The following KATNIP variants were observed in gnomAD, a reference collection of about 807,000 sequenced individuals.
KATNIP encodes the protein katanin interacting protein.
KATNIP carries 126 observed loss-of-function variants against 174.0 expected under a neutral mutation model. The ratio of observed to expected loss-of-function variants is 0.72; its 90% CI spans 0.63 to 0.84. The LOEUF is 0.84. Ranked by LOEUF, KATNIP falls within the 40% of genes least tolerant of loss-of-function variation. KATNIP has a pLI of 0.00. For missense variants in KATNIP, 1,958 were observed against 2,109.7 expected, an observed-to-expected ratio of 0.93 and a Z score of 1.41; for synonymous variants, 810 against 835.7, an observed-to-expected ratio of 0.97 and a Z score of 0.53.
intron 1 of KATNIP, 106 bp downstream of exon 1, chr16:27,550,283 C>T (rs2141483940): frequency 7.6e-7 from 1 of 1,321,752 alleles, no homozygotes; most frequent in Non-Finnish European, 1.0e-6. Flanking sequence ...ACCACCACTT[C>T]CTGACCCAAG....
chr16:27,695,821 G>A (rs1400830995), intron 8 of KATNIP, among the ~76,000 whole-genome samples: 1 of 151,962 alleles, frequency 6.6e-6, no homozygotes, highest in Non-Finnish European at 1.5e-5. Flanking sequence ...TAATTGAGAG[G>A]ATGTTACACT....
chr16:27,740,294 T>C lies in KATNIP; in HGVS notation c.1997T>C (p.Leu666Ser). The C allele has an allele frequency of 1.9e-6, 3 of 1,614,174 alleles. No homozygotes were observed. The highest frequency in any genetic ancestry group is 2.5e-6 in the Non-Finnish European group (3 of 1,180,026). Residue 666 changes from leucine to serine, a missense_variant, in exon 15 of 28, where the codon TTA becomes TCA. Physicochemically the swap from Leu to Ser is moderately radical, Grantham distance 145. Around this residue, in one of 3 missense-constraint regions of KATNIP, gnomAD observed 1,557 missense variants for 1,617.8 expected, o/e 0.96. Transcript: ENST00000261588. ...GLGCSPPAET[L>S]ADAKLSSQGN... is the part of the protein sequence containing the mutation. The stretch of plus-strand genomic sequence containing the variant: ...GGTTGCTCACCGCCAGCTGAAACAT[T>C]AGCGGATGCAAAGCTTTCTTCACAA...
chr16:27,712,371 C>T (rs1004217099), intron 13 of KATNIP, among the ~76,000 whole-genome samples: 5 of 152,094 alleles, frequency 3.3e-5, no homozygotes, highest in South Asian at 2.1e-4. Context: ...ATTGCACCAG[C>T]GTGTGGCAGC....
intron 1 of KATNIP, among the ~76,000 whole-genome samples, chr16:27,562,422 ACT>A (rs1482841450): frequency 2.0e-5 from 3 of 152,102 alleles, no homozygotes; most frequent in Admixed American, 6.6e-5. Context: ...TGCTTGGTAG[ACT>A]CTCAGTACAA....
At chr16:27,698,150 G>A (rs754376022) in intron 8 of KATNIP, among the ~76,000 whole-genome samples, 178 bp from the exon 9 acceptor site, 2 of 152,168 alleles carry the variant, frequency 1.3e-5, no homozygotes, top group Admixed American at 6.5e-5. Flanking sequence ...GCATTCAGCC[G>A]TGTCTGCCTA....
chr16:27,758,766 C>T (rs1784448308), intron 18 of KATNIP, among the ~76,000 whole-genome samples: 1 of 152,120 alleles, frequency 6.6e-6, no homozygotes, highest in South Asian at 2.1e-4. Context: ...TCAGGGAGGC[C>T]CTCCCTGACC....
At chr16:27,642,769 A>ATT (rs143123046) in intron 5 of KATNIP, among the ~76,000 whole-genome samples, 23 of 125,578 alleles carry the variant, frequency 1.8e-4, no homozygotes, top group Non-Finnish European at 2.6e-4. Flanking sequence ...TTTTTAAAAA[A>ATT]TTTTTTTTTT....
intron 19 of KATNIP, 122 bp from the exon 20 acceptor site, chr16:27,766,187 A>G (rs935177492): frequency 1.1e-5 from 11 of 985,366 alleles, no homozygotes; most frequent in Admixed American, 2.4e-5. Flanking sequence ...AACAAGCCTG[A>G]CACAGCCAGG....
At chr16:27,631,742 C>A (rs1211677486) in intron 5 of KATNIP, among the ~76,000 whole-genome samples, 1 of 152,084 alleles carries the variant, frequency 6.6e-6, no homozygotes, top group African/African-American at 2.4e-5. Context: ...CTCATTCATT[C>A]AGCTATTTTT....
intron 6 of KATNIP, among the ~76,000 whole-genome samples, chr16:27,655,575 G>A (rs566666488): frequency 6.6e-6 from 1 of 151,990 alleles, no homozygotes; most frequent in South Asian, 2.1e-4. Flanking sequence ...ATTCACAAGA[G>A]ATTTGACTTA....
chr16:27,615,293 CTTTTT>C (rs528705562), intron 2 of KATNIP, among the ~76,000 whole-genome samples: 1,400 of 129,394 alleles, frequency 0.011, 23 homozygotes, highest in African/African-American at 0.038. Flanking sequence ...CACATCTGGC[CTTTTT>C]TTTTTTTTTT....
At chr16:27,725,648 T>C (rs1666079201) in intron 14 of KATNIP, among the ~76,000 whole-genome samples, 1 of 152,206 alleles carries the variant, frequency 6.6e-6, no homozygotes, top group Non-Finnish European at 1.5e-5. Flanking sequence ...AAGAAACCGA[T>C]AGTCTCCCTT....
intron 2 of KATNIP, among the ~76,000 whole-genome samples, chr16:27,614,142 A>G (rs542654248): frequency 6.7e-6 from 1 of 149,920 alleles, no homozygotes; most frequent in East Asian, 2.0e-4. Context: ...CAGTGGTGCT[A>G]TCTCAGCTCA....
At chr16:27,687,057 T>A (rs895222631) in intron 8 of KATNIP, 25 of 152,320 alleles carry the variant, frequency 1.6e-4, no homozygotes, top group African/African-American at 5.3e-4. Flanking sequence ...TGTTAACCTT[T>A]CTGTGCCCTT....
intron 2 of KATNIP, among the ~76,000 whole-genome samples, chr16:27,603,124 C>T (rs984784877): frequency 2.0e-5 from 3 of 152,180 alleles, no homozygotes; most frequent in African/African-American, 7.2e-5. Flanking sequence ...AATGCAAAAG[C>T]CTGAAAAGAC....
intron 2 of KATNIP, among the ~76,000 whole-genome samples, chr16:27,614,721 T>C (rs2075992037): frequency 6.6e-6 from 1 of 152,166 alleles, no homozygotes; most frequent in Non-Finnish European, 1.5e-5. Flanking sequence ...AACTCAGAGG[T>C]TGCAGAGATG....
intron 19 of KATNIP, among the ~76,000 whole-genome samples, chr16:27,764,751 C>A (rs1276824663): frequency 2.0e-5 from 3 of 152,192 alleles, no homozygotes; most frequent in African/African-American, 7.2e-5. Context: ...TGCTATGGAG[C>A]AGCCCCATTT....
At chr16:27,717,424 A>G (rs1209917210) in intron 13 of KATNIP, among the ~76,000 whole-genome samples, 1 of 152,092 alleles carries the variant, frequency 6.6e-6, no homozygotes, top group Non-Finnish European at 1.5e-5. Context: ...TTAACCATTC[A>G]TTCTAAAATA....
intron 5 of KATNIP, among the ~76,000 whole-genome samples, chr16:27,638,193 A>G (rs2076692510): frequency 6.6e-6 from 1 of 152,192 alleles, no homozygotes. Context: ...GGCTATGACT[A>G]GAGCCCCTCA....
Sources: gnomAD v4.1 joint callset for allele counts (sites outside exome capture counted in the v4.1 genomes callset) on GRCh38, gnomAD v4.1.1 for gene constraint, gnomAD v4.1.1 regional missense constraint, MANE v1.5 for transcripts, NCBI Gene and HGNC (gene_info 2026-07-23, HGNC 2026-07-21) for gene names.